Variants in IFT81 observed in about 807,000 individuals in gnomAD.
IFT81 encodes the protein intraflagellar transport protein 81 homolog.
Under a neutral mutation model 102.6 loss-of-function variants are expected in IFT81, and 72 were observed. That is an observed-to-expected ratio of 0.70 (90% CI 0.58 to 0.85). The LOEUF (loss-of-function observed/expected upper bound fraction) is 0.85, where lower values mean the gene tolerates loss of function less well. Among genes scored for constraint, IFT81 ranks in the 40% least tolerant of loss-of-function variants. The pLI, the probability that IFT81 is intolerant of heterozygous loss-of-function variation, is 0.00. For synonymous variants in IFT81, 237 were observed against 242.7 expected (o/e 0.98, Z 0.22); for missense variants, 723 against 787.3 (o/e 0.92, Z 0.98).
At chr12:110,197,555 C>CATATATATATATATAT (rs141544205) in intron 14 of IFT81, among the ~76,000 whole-genome samples, 62 of 108,786 alleles carry the variant, frequency 5.7e-4, no homozygotes, top group South Asian at 9.2e-4. Context: ...AGGTTTTTAT[C>CATATATATATATATAT]ATATATATAT....
intron 12 of IFT81, among the ~76,000 whole-genome samples, 195 bp downstream of exon 12, chr12:110,180,766 G>A (rs1897289720): frequency 6.6e-6 from 1 of 152,202 alleles, no homozygotes; most frequent in African/African-American, 2.4e-5. Flanking sequence ...TTGTGTGTGT[G>A]CTGACTTCGG....
At chr12:110,216,789 T>G (rs758961696) in intron 18 of IFT81, 4 of 338,698 alleles carry the variant, frequency 1.2e-5, no homozygotes, top group Non-Finnish European at 2.3e-5. Context: ...ATAGCATGAG[T>G]CCTGTTTTCC....
intron 7 of IFT81, among the ~76,000 whole-genome samples, chr12:110,136,227 A>C (rs1017267008): frequency 1.3e-5 from 2 of 152,264 alleles, no homozygotes; most frequent in African/African-American, 4.8e-5. Flanking sequence ...AGAAATTATT[A>C]CTTTTACTTA....
At chr12:110,190,794 T>C in intron 12 of IFT81, 126 bp from the exon 13 acceptor site, 2 of 780,728 alleles carry the variant, frequency 2.6e-6, no homozygotes, top group South Asian at 2.8e-5. Context: ...ATGAAGATTG[T>C]CCTTTAGGAT....
chr12:110,168,906 A>G (rs965676481), intron 11 of IFT81: 3 of 152,126 alleles, frequency 2.0e-5, no homozygotes, highest in African/African-American at 7.2e-5. Context: ...TCTTGGATGG[A>G]TTCCTGCCAT....
In IFT81 at chr12:110,144,186, G is replaced by T. The variant is rs569255573; in HGVS notation, c.945+641G>T. ...AACCACCATGCCCGGCTAATTTTTT[G>T]TTGTTGTTGTTGTTTTTGTTGTTGT... On this transcript the variant is annotated intron_variant, in intron 9 of 18. Transcript: ENST00000242591. Among the ~76,000 whole-genome samples the T allele has an allele frequency of 2.0e-4, 30 of 146,500 alleles. No homozygotes were observed. The East Asian group carries it at 2.7e-3, about 13-fold the overall frequency.
intron 11 of IFT81, among the ~76,000 whole-genome samples, chr12:110,173,642 T>G (rs998983817): frequency 1.3e-4 from 20 of 152,198 alleles, no homozygotes; most frequent in Non-Finnish European, 2.6e-4. Context: ...TGCCTTGGGA[T>G]CCTGTTGATC....
chr12:110,172,335 G>GCCT (rs1262369799), intron 11 of IFT81, among the ~76,000 whole-genome samples: 15 of 151,638 alleles, frequency 9.9e-5, no homozygotes, highest in African/African-American at 3.4e-4. Context: ...TGCCTCCTCT[G>GCCT]CCTCTGCCTC....
intron 14 of IFT81, among the ~76,000 whole-genome samples, chr12:110,193,550 A>G (rs1409030286): frequency 2.0e-5 from 3 of 152,260 alleles, no homozygotes; most frequent in African/African-American, 7.2e-5. Flanking sequence ...GCCCTCTACA[A>G]ATCCAGATCA....
intron 3 of IFT81, 65 bp downstream of exon 3, chr12:110,128,214 GCAAT>G: frequency 2.1e-6 from 2 of 952,126 alleles, no homozygotes; most frequent in Non-Finnish European, 3.4e-6. Context: ...TTCATATACT[GCAAT>G]CAATCTTTGT....
At chr12:110,191,952 C>G (rs1327353654) in intron 13 of IFT81, among the ~76,000 whole-genome samples, 1 of 152,038 alleles carries the variant, frequency 6.6e-6, no homozygotes, top group African/African-American at 2.4e-5. Flanking sequence ...GGGAGGATCA[C>G]TTGAGGTCAG....
intron 14 of IFT81, among the ~76,000 whole-genome samples, chr12:110,201,106 T>C (rs923563859): frequency 6.6e-6 from 1 of 152,112 alleles, no homozygotes; most frequent in African/African-American, 2.4e-5. Flanking sequence ...TTTTTCTATT[T>C]AAAAAAATTT....
chr12:110,184,845 T>G (rs571131905), intron 12 of IFT81, among the ~76,000 whole-genome samples: 9 of 152,238 alleles, frequency 5.9e-5, no homozygotes, highest in Admixed American at 3.9e-4. Context: ...TAAGAGCAGC[T>G]CCAGGGAAGC....
At chr12:110,157,913 G>A (rs543001477) in intron 10 of IFT81, among the ~76,000 whole-genome samples, 2 of 151,898 alleles carry the variant, frequency 1.3e-5, no homozygotes, top group African/African-American at 4.8e-5. Flanking sequence ...TTTCTATTTT[G>A]TTAATACATT....
intron 18 of IFT81, among the ~76,000 whole-genome samples, chr12:110,215,786 A>C (rs1371962001): frequency 6.6e-6 from 1 of 151,822 alleles, no homozygotes; most frequent in Non-Finnish European, 1.5e-5. Context: ...ATAATATAGA[A>C]CTAAAGTATA....
intron 14 of IFT81, among the ~76,000 whole-genome samples, chr12:110,194,229 AG>A (rs1897913034): frequency 6.6e-6 from 1 of 152,204 alleles, no homozygotes; most frequent in Non-Finnish European, 1.5e-5. Flanking sequence ...AGATTTGGGC[AG>A]GGACAGAGAT....
intron 18 of IFT81, chr12:110,216,425 G>A (rs952550286): frequency 4.5e-6 from 2 of 444,080 alleles, no homozygotes; most frequent in Non-Finnish European, 8.9e-6. Context: ...GAACTCCCCA[G>A]CTCAAGCAAT....
chr12:110,201,402 C>CAAA (rs533398783), intron 14 of IFT81, among the ~76,000 whole-genome samples: 1 of 90,650 alleles, frequency 1.1e-5, no homozygotes. Flanking sequence ...GCTCTGTCTC[C>CAAA]AAAAAAAAAA....
chr12:110,185,511 A>C (rs900398020), intron 12 of IFT81, among the ~76,000 whole-genome samples: 4 of 151,794 alleles, frequency 2.6e-5, no homozygotes, highest in African/African-American at 9.7e-5. Context: ...AATTTTTACT[A>C]TTGCCGTGTC....
Sources: gnomAD v4.1 joint callset for allele counts (sites outside exome capture counted in the v4.1 genomes callset) on GRCh38, gnomAD v4.1.1 for gene constraint, MANE v1.5 for transcripts, NCBI Gene and HGNC (gene_info 2026-07-23, HGNC 2026-07-21) for gene names.